The following AUTS2 variants were observed in gnomAD, a reference collection of about 807,000 sequenced individuals.
AUTS2 encodes activator of transcription and developmental regulator AUTS2.
Under a neutral mutation model 112.4 loss-of-function variants are expected in AUTS2, and 17 were observed. The ratio of observed to expected loss-of-function variants is 0.15; its 90% CI spans 0.10 to 0.23. The LOEUF is 0.23. Ranked by LOEUF, AUTS2 falls within the 10% of genes least tolerant of loss-of-function variation. The pLI, the probability that AUTS2 is intolerant of heterozygous loss-of-function variation, is 1.00. For missense variants in AUTS2, 1,510 were observed against 1,701.6 expected, an observed-to-expected ratio of 0.89 and a Z score of 1.98; for synonymous variants, 751 against 702.7, an observed-to-expected ratio of 1.07 and a Z score of -1.09.
intron 5 of AUTS2, among the ~76,000 whole-genome samples, chr7:70,529,864 T>C (rs1800007620): frequency 6.6e-6 from 1 of 152,208 alleles, no homozygotes; most frequent in African/African-American, 2.4e-5. Context: ...TATTTTTGCT[T>C]TCCAAATAAG....
intron 4 of AUTS2, among the ~76,000 whole-genome samples, chr7:70,284,566 G>T (rs1320489818): frequency 1.3e-5 from 2 of 152,078 alleles, no homozygotes; most frequent in Admixed American, 1.3e-4. Context: ...TTTTAAAATT[G>T]TAGTTGAGGT....
At chr7:69,677,031 A>G (rs921130396) in intron 1 of AUTS2, among the ~76,000 whole-genome samples, 3 of 152,116 alleles carry the variant, frequency 2.0e-5, no homozygotes, top group African/African-American at 7.2e-5. Flanking sequence ...CTGATAGAAA[A>G]TTTCTGAAGA....
At chr7:70,290,798 C>A in intron 4 of AUTS2, 1 of 438,210 alleles carries the variant, frequency 2.3e-6, no homozygotes, top group South Asian at 4.8e-5. Flanking sequence ...TGCTGCTTGC[C>A]AAGAAGCAAA....
At chr7:69,634,735 C>T (rs1197504811) in intron 1 of AUTS2, among the ~76,000 whole-genome samples, 2 of 152,158 alleles carry the variant, frequency 1.3e-5, no homozygotes, top group East Asian at 1.9e-4. Context: ...GTGGTCACTC[C>T]TACTCCCATT....
intron 4 of AUTS2, among the ~76,000 whole-genome samples, chr7:70,299,227 C>T (rs1388220173): frequency 3.3e-5 from 5 of 151,998 alleles, no homozygotes; most frequent in Non-Finnish European, 7.4e-5. Flanking sequence ...TGTAATGCAC[C>T]ATGTTTTTCT....
chr7:70,281,252 G>A (rs1788201150), intron 4 of AUTS2, among the ~76,000 whole-genome samples: 1 of 152,190 alleles, frequency 6.6e-6, no homozygotes, highest in South Asian at 2.1e-4. Flanking sequence ...ATAGGGATGT[G>A]CCTAGGCCTG....
chr7:70,528,090 A>G (rs1400032646), intron 5 of AUTS2, among the ~76,000 whole-genome samples: 3 of 127,814 alleles, frequency 2.3e-5, no homozygotes, highest in African/African-American at 9.5e-5. Context: ...CTTAAATTTA[A>G]GGATTTTTTT....
At chr7:70,299,469 ACGGTT>A (rs1789102374) in intron 4 of AUTS2, among the ~76,000 whole-genome samples, 1 of 152,072 alleles carries the variant, frequency 6.6e-6, no homozygotes, top group Non-Finnish European at 1.5e-5. Context: ...CCCCACACTT[ACGGTT>A]TCTCCTCTCT....
chr7:70,073,074 CT>C (rs1802860689), intron 2 of AUTS2, among the ~76,000 whole-genome samples: 1 of 139,620 alleles, frequency 7.2e-6, no homozygotes, highest in Non-Finnish European at 1.6e-5. Context: ...CCCCTCCCCT[CT>C]CCTCCCCTCC....
Position 70,209,134 on chromosome 7 carries a change from A to G in AUTS2, c.660+74563A>G, listed in dbSNP as rs376309129. Among the ~76,000 whole-genome samples, 22 of 152,308 alleles carry G rather than the reference A, an allele frequency of 1.4e-4. 1 individual carries two copies. In the South Asian group the frequency reaches 3.3e-3, roughly 23 times the overall value. ...GGTAGTTTAAGACTAGGATTGTAGCAGTGAAATGTAAAGTGGTTGCATTCG... is the reference window on the plus strand; with the variant it reads ...GGTAGTTTAAGACTAGGATTGTAGCGGTGAAATGTAAAGTGGTTGCATTCG... On this transcript the variant is annotated intron_variant, in intron 4 of 18. Coordinates refer to ENST00000342771, the MANE Select transcript of AUTS2 (RefSeq NM_015570.4).
rs1348817161 is a variant in AUTS2 at position 70,631,309 on chromosome 7, T to C, written c.691-67260T>C. On this transcript the variant is annotated intron_variant, in intron 5 of 18. Transcript: ENST00000342771. The surrounding 1 kb of genome is among the most constrained non-coding windows in gnomAD (Gnocchi z 4.5). ...GCTGCGGGCTGGCCGGGCTGCTGGCTCGCCTTGAAGAGAACACCAGGGCAG... is the reference window on the plus strand; with the variant it reads ...GCTGCGGGCTGGCCGGGCTGCTGGCCCGCCTTGAAGAGAACACCAGGGCAG... 6.6e-6 allele frequency among the ~76,000 whole-genome samples: 1 copy of C among 152,120 alleles called. No homozygotes were observed. Among genetic ancestry groups the C allele is most frequent in the Non-Finnish European group, 1.5e-5 (1 of 68,012 alleles).
chr7:70,699,998 A>G (rs1258345844), intron 6 of AUTS2, among the ~76,000 whole-genome samples: 1 of 151,436 alleles, frequency 6.6e-6, no homozygotes, highest in Admixed American at 6.6e-5. Flanking sequence ...CTGATTTGCT[A>G]CTGAAAGCTT....
At chr7:69,852,098 T>A (rs1792509771) in intron 1 of AUTS2, among the ~76,000 whole-genome samples, 4 of 152,184 alleles carry the variant, frequency 2.6e-5, no homozygotes. Context: ...CTAAATTTGA[T>A]GTTAGTTGTA....
chr7:69,899,569 T>C, intron 2 of AUTS2, 71 bp downstream of exon 2: 2 of 1,455,998 alleles, frequency 1.4e-6, no homozygotes, highest in Non-Finnish European at 1.9e-6. Context: ...TCCACTGTGG[T>C]TTTTCGTAAC....
chr7:70,725,510 G>A (rs967593123), intron 6 of AUTS2, among the ~76,000 whole-genome samples: 11 of 152,188 alleles, frequency 7.2e-5, no homozygotes, highest in Non-Finnish European at 1.5e-4. Flanking sequence ...AACACCAAAT[G>A]TACTTTCATT....
At chr7:70,206,521 T>C (rs1441343555) in intron 4 of AUTS2, among the ~76,000 whole-genome samples, 1 of 152,208 alleles carries the variant, frequency 6.6e-6, no homozygotes, top group African/African-American at 2.4e-5. Flanking sequence ...TTTCAGCCTC[T>C]TAAGTAACCT....
chr7:70,527,186 G>T (rs1042663508), intron 5 of AUTS2, among the ~76,000 whole-genome samples: 1 of 152,168 alleles, frequency 6.6e-6, no homozygotes, highest in Non-Finnish European at 1.5e-5. Flanking sequence ...GTTCCAACAT[G>T]GGAATGACAT....
At chr7:69,871,005 T>C (rs1793471726) in intron 1 of AUTS2, among the ~76,000 whole-genome samples, 1 of 152,216 alleles carries the variant, frequency 6.6e-6, no homozygotes, top group Non-Finnish European at 1.5e-5. Flanking sequence ...AGGCACATAA[T>C]GTATTTTGTT....
At chr7:70,564,574 C>T (rs1333442610) in intron 5 of AUTS2, among the ~76,000 whole-genome samples, 2 of 152,088 alleles carry the variant, frequency 1.3e-5, no homozygotes, top group African/African-American at 4.8e-5. Context: ...GCTTTGATTA[C>T]AATAATGCAG....
Sources: allele counts gnomAD v4.1 joint callset (sites outside exome capture counted in the v4.1 genomes callset), GRCh38; gene constraint gnomAD v4.1.1; non-coding constraint Gnocchi (gnomAD v3.1); transcripts MANE v1.5; gene names NCBI Gene and HGNC (gene_info 2026-07-23, HGNC 2026-07-21).